ADAM8: variants seen among roughly 807,000 people sequenced by gnomAD.
The protein encoded by ADAM8 is ADAM metallopeptidase domain 8, also known as disintegrin and metalloproteinase domain-containing protein 8.
Under a neutral mutation model 102.4 loss-of-function variants are expected in ADAM8, and 104 were observed. The observed-to-expected ratio is 1.02, with a 90% CI of 0.87 to 1.20. The LOEUF is 1.20. Ranked by LOEUF, ADAM8 falls within the 50% of genes most tolerant of loss-of-function variation. The pLI is 0.00. For missense variants in ADAM8, 1,132 were observed against 1,159.0 expected (o/e 0.98, Z 0.34); for synonymous variants, 517 against 485.2 (o/e 1.07, Z -0.86).
intron 5 of ADAM8, 78 bp downstream of exon 5, chr10:133,273,684 T>A: frequency 2.1e-6 from 3 of 1,452,722 alleles, no homozygotes; most frequent in Non-Finnish European, 2.8e-6. Context: ...CCTCCCTGCC[T>A]CCCTTCCCCA....
chr10:133,275,624 G>A (rs1846725314), intron 1 of ADAM8, 37 bp from the exon 2 acceptor site: 1 of 1,236,826 alleles, frequency 8.1e-7, no homozygotes, highest in Non-Finnish European at 1.1e-6. Flanking sequence ...GAGGGGCCGG[G>A]GGGCAGGTTT....
At chr10:133,264,058 C>CTTTTT (rs3058139) in intron 21 of ADAM8, among the ~76,000 whole-genome samples, 1 of 84,042 alleles carries the variant, frequency 1.2e-5, no homozygotes, top group African/African-American at 3.7e-5. Flanking sequence ...TTTTCCTTTC[C>CTTTTT]TTTTTTTTTT....
Position 133,274,160 on chromosome 10 carries a change from T to G in ADAM8, c.226A>C (p.Arg76=). The G allele has an allele frequency of 6.3e-7, 1 of 1,585,612 alleles. No homozygotes were observed. ...GGGGCCGACCCGAGACCCACTCACC[T>G]GTTCTTCCGCAGGTGGAGGGTGAAG... ...HNFTLHLRKN[R]DLLGSGYTET... The change falls in exon 3 of 23, where the codon AGG becomes CGG. Residue 76 remains arginine, a splice_region_variant and synonymous_variant. Coordinates refer to ENST00000445355, the MANE Select transcript of ADAM8 (RefSeq NM_001109.5).
chr10:133,263,742 G>A lies in ADAM8; in HGVS notation c.2343C>T (p.Pro781=). ...CCCCGGGTTTGACTGGGGGCACTGG[G>A]GGTGCGAACGTTGGCTTGATGACCT... The part of the protein sequence containing the change: ...PKQVIKPTFA[P]PVPPVKPGAG... Residue 781 remains proline, a synonymous_variant, in exon 22 of 23, where the codon CCC becomes CCT. Coordinates refer to ENST00000445355, the MANE Select transcript of ADAM8 (RefSeq NM_001109.5). 1 of 1,533,276 alleles carries A rather than the reference G, an allele frequency of 6.5e-7. No individual in the cohort carries two copies. The highest frequency in any genetic ancestry group is 8.8e-7 in the Non-Finnish European group (1 of 1,139,894). 95.0% of individuals were successfully genotyped at this position (1,533,276 alleles called of 1,614,324 possible).
At chr10:133,267,282 C>T (rs866930771) in intron 21 of ADAM8, 70 bp downstream of exon 21, 1 of 1,512,138 alleles carries the variant, frequency 6.6e-7, no homozygotes, top group Non-Finnish European at 9.0e-7. Context: ...GTGCAGTGCA[C>T]AGACCCCAAT....
intron 22 of ADAM8, 73 bp downstream of exon 22, chr10:133,263,615 A>AACGTCAG: frequency 2.1e-6 from 3 of 1,446,752 alleles, no homozygotes; most frequent in South Asian, 1.4e-5. Context: ...GGGCAGTGCC[A>AACGTCAG]CCGTCAGCCC....
chr10:133,264,058 CTTTTTTTTTT>C (rs3058139), intron 21 of ADAM8, among the ~76,000 whole-genome samples: 1 of 84,042 alleles, frequency 1.2e-5, no homozygotes, highest in African/African-American at 3.7e-5. Flanking sequence ...TTTTCCTTTC[CTTTTTTTTTT>C]TTTTTTTTTT....
intron 18 of ADAM8, chr10:133,269,077 G>A (rs898496285): frequency 1.0e-6 from 1 of 985,346 alleles, no homozygotes; most frequent in East Asian, 1.1e-4. Context: ...CTGTGGGCAC[G>A]GCTGTGCCTT....
chr10:133,273,450 G>C lies in ADAM8; in HGVS notation c.384-7C>G. The stretch of plus-strand genomic sequence containing the variant: ...CCCCACCTGGAAGAAACCCCTGAGG[G>C]GAGTGGGAGCCGGGTGTGCTGTGGG... On this transcript the variant is annotated splice_region_variant and splice_polypyrimidine_tract_variant and intron_variant, in intron 5 of 22. Coordinates refer to ENST00000445355, the MANE Select transcript of ADAM8 (RefSeq NM_001109.5). The C allele has an allele frequency of 2.0e-6, 3 of 1,530,902 alleles. No individual in the cohort carries two copies. Among genetic ancestry groups the C allele is most frequent in the Non-Finnish European group, 2.6e-6 (3 of 1,133,538 alleles). 94.8% of individuals were successfully genotyped at this position (1,530,902 alleles called of 1,614,324 possible).
rs781532548 is a variant in ADAM8, at chr10:133,268,073, G to A, written c.2109C>T (p.Phe703=). Residue 703 remains phenylalanine (F), a synonymous_variant, in exon 20 of 23, where the codon TTC becomes TTT. Transcript: ENST00000445355. ...KTTMGRSNPL[F]HQAASRVPAK... is the part of the protein sequence containing the mutation. ...CCGGCACGCGGCTGGCAGCCTGGTG[G>A]AACAGGGGGTTGGAGCGCCCCATTG... is the stretch of plus-strand genomic sequence containing the variant. 1 of 1,273,714 alleles carries A rather than the reference G, an allele frequency of 7.9e-7. No individual in the cohort carries two copies. The highest frequency in any genetic ancestry group is 1.0e-6 in the Non-Finnish European group (1 of 1,002,742). 78.9% of individuals were successfully genotyped at this position (1,273,714 alleles called of 1,614,324 possible).
rs146144365 is a variant in ADAM8 at position 133,264,705 on chromosome 10, C to T, written c.2320-940G>A. ...GCAGCCTCAGCCCCATCTACTGCCA[C>T]GCCTGTTCCTGCTGCAGCCTCTGCC... On this transcript the variant is annotated intron_variant, in intron 21 of 22. Transcript: ENST00000445355. 5.3e-3 allele frequency among the ~76,000 whole-genome samples: 776 copies of T among 147,246 alleles called. 4 individuals carry two copies. The highest frequency in any genetic ancestry group is 0.019 in the Middle Eastern group (5 of 266).
In ADAM8 at chr10:133,271,974, C is replaced by A; in HGVS notation, c.958-20G>T. 1 of 1,601,730 alleles carries A rather than the reference C, an allele frequency of 6.2e-7. No individual in the cohort carries two copies. ...GTGGTCCTGCAGGAGGGTCTGTGCTCTCAGGAACCATGTGGCCAACTCCCC... is the reference window on the plus strand; with the variant it reads ...GTGGTCCTGCAGGAGGGTCTGTGCTATCAGGAACCATGTGGCCAACTCCCC... On this transcript the variant is annotated intron_variant, in intron 10 of 22. Coordinates refer to ENST00000445355, the MANE Select transcript of ADAM8 (RefSeq NM_001109.5).
rs967817170 is a variant in ADAM8 at position 133,269,392 on chromosome 10, G to A, written c.1948+53C>T. On this transcript the variant is annotated intron_variant, in intron 18 of 22. Transcript: ENST00000445355. ...CGCGGCTTCTGCCTGGGCTCTGTTC[G>A]GGCCCTCTGAGCTTGGACCCCAGCC... 25 of 1,442,538 alleles carry A rather than the reference G, an allele frequency of 1.7e-5. No individual in the cohort carries two copies. In the East Asian group the frequency reaches 2.0e-4, roughly 12 times the overall value. 89.4% of individuals were successfully genotyped at this position (1,442,538 alleles called of 1,614,324 possible).
chr10:133,270,947 C>T lies in ADAM8; in HGVS notation c.1498G>A (p.Gly500Arg), dbSNP rs137890445. Residue 500 changes from glycine (G) to arginine (R), a missense_variant, in exon 14 of 23, where the codon GGG becomes AGG. By Grantham distance (125) the Gly-to-Arg change is moderately radical (BLOSUM62 -2). Coordinates refer to ENST00000445355, the MANE Select transcript of ADAM8 (RefSeq NM_001109.5). Reference protein sequence around the residue: ...AFQENGTPCSGGYCYNGACPT... With the variant: ...AFQENGTPCSRGYCYNGACPT... Reference sequence around the variant, plus strand: ...CAGGCCCCGTTGTAGCAGTAGCCCCCGGAGCAGGGCGTGCCGTTCTCCTGG... The same window carrying T: ...CAGGCCCCGTTGTAGCAGTAGCCCCTGGAGCAGGGCGTGCCGTTCTCCTGG... 1.3e-5 allele frequency: 21 copies of T among 1,612,688 alleles called. No individual in the cohort carries two copies. The highest frequency in any genetic ancestry group is 8.9e-5 in the East Asian group (4 of 44,894).
chr10:133,270,866 CT>C lies in ADAM8; in HGVS notation c.1564+14del. 2 of 1,610,540 alleles carry C rather than the reference CT, an allele frequency of 1.2e-6. No individual in the cohort carries two copies. The highest frequency in any genetic ancestry group is 1.7e-6 in the Non-Finnish European group (2 of 1,178,292). On this transcript the variant is annotated intron_variant, in intron 14 of 22. Transcript: ENST00000445355. ...CTGCAGCCACCCTGCCAGGCCAGCT[CT>C]GTGCCCACTTCACCTGGCCCCCAGA...
At chr10:133,263,849 C>T (rs1251024774) in intron 21 of ADAM8, 84 bp from the exon 22 acceptor site, 27 of 1,191,444 alleles carry the variant, frequency 2.3e-5, no homozygotes, top group Middle Eastern at 4.0e-4. Flanking sequence ...GGACCTGGAA[C>T]GAAGCTCCCC....
intron 18 of ADAM8, chr10:133,269,211 C>T (rs1846433619): frequency 1.0e-5 from 10 of 983,536 alleles, no homozygotes; most frequent in Non-Finnish European, 1.2e-5. Context: ...GGAGTCTCAG[C>T]TCACGGCCGT....
At chr10:133,272,745 C>CG (rs1015980747) in intron 8 of ADAM8, 53 bp downstream of exon 8, 1 of 1,561,388 alleles carries the variant, frequency 6.4e-7, no homozygotes, top group Non-Finnish European at 8.7e-7. Context: ...GCAACACCCC[C>CG]CCCACCTCCC....
In ADAM8 at chr10:133,275,517, G is replaced by T; in HGVS notation, c.117C>A (p.Gly39=). Reference sequence around the variant, plus strand: ...AGGGCAGAGCTCGGCGGACTCGGGGGCCTGGCAGACGCCACGGCAACACGA... The same window carrying T: ...AGGGCAGAGCTCGGCGGACTCGGGGTCCTGGCAGACGCCACGGCAACACGA... ...YEVVLPWRLP[G]PRVRRALPSH... Residue 39 remains glycine (G), a synonymous_variant, in exon 2 of 23, where the codon GGC becomes GGA. Transcript: ENST00000445355. 2.0e-6 allele frequency: 3 copies of T among 1,527,388 alleles called. No individual in the cohort carries two copies. Among genetic ancestry groups the T allele is most frequent in the South Asian group, 1.2e-5 (1 of 80,164 alleles). 94.6% of individuals were successfully genotyped at this position (1,527,388 alleles called of 1,614,324 possible). A position where few individuals can be genotyped will look rare whatever the true frequency, so the allele number is the denominator to read the frequency against.
Sources: allele counts gnomAD v4.1 joint callset (sites outside exome capture counted in the v4.1 genomes callset), GRCh38; gene constraint gnomAD v4.1.1; transcripts MANE v1.5; gene names NCBI Gene and HGNC (gene_info 2026-07-23, HGNC 2026-07-21).